The following EP400 variants were observed in gnomAD, a reference collection of about 807,000 sequenced individuals.
The protein encoded by EP400 is E1A binding protein p400, also known as E1A-binding protein p400.
In EP400, 105 loss-of-function variants were observed where a neutral mutation model predicts 354.1. The ratio of observed to expected loss-of-function variants is 0.30; its 90% CI spans 0.25 to 0.35. The LOEUF (loss-of-function observed/expected upper bound fraction) is 0.35. Ranked by LOEUF, EP400 falls within the 10% of genes least tolerant of loss-of-function variation. The probability of loss-of-function intolerance (pLI) is 1.00; values close to 1 mark genes in which losing one functional copy is unlikely to be tolerated. For missense variants in EP400, 3,280 were observed against 4,121.0 expected (o/e 0.80, Z 5.59); for synonymous variants, 1,646 against 1,716.9 (o/e 0.96, Z 1.02).
At position 132,050,671 on chromosome 12, in the gene EP400, T is replaced by C; in HGVS notation, c.7394+16T>C. The C allele has an allele frequency of 6.2e-7, 1 of 1,614,184 alleles. No individual in the cohort carries two copies. Among genetic ancestry groups the C allele is most frequent in the Non-Finnish European group, 8.5e-7 (1 of 1,180,004 alleles). ...TGGCAGAAAGGTATTTCTCTATTCG[T>C]GACACATTTGTTACTGTTTGGAAGG... On this transcript the variant is annotated intron_variant, in intron 41 of 52. Transcript: ENST00000389561. The surrounding 1 kb of genome is among the most constrained non-coding windows in gnomAD (Gnocchi z 4.8).
intron 16 of EP400, 107 bp from the exon 17 acceptor site, chr12:132,012,902 T>C: frequency 1.7e-6 from 2 of 1,167,648 alleles, no homozygotes; most frequent in African/African-American, 3.1e-5. Flanking sequence ...AAATTATAGG[T>C]GGGAACGGAG....
chr12:132,002,742 A>G (rs890241630), intron 12 of EP400, among the ~76,000 whole-genome samples: 8 of 152,210 alleles, frequency 5.3e-5, no homozygotes, highest in Non-Finnish European at 1.0e-4. Flanking sequence ...ATTCTCACAT[A>G]TGGTGGTCAC....
chr12:132,024,792 G>A (rs528876031), intron 24 of EP400, among the ~76,000 whole-genome samples: 6 of 149,306 alleles, frequency 4.0e-5, no homozygotes, highest in South Asian at 4.3e-4. Context: ...CAGCCTCAGC[G>A]GCTGCCTCCC....
At chr12:132,044,462 C>T in intron 35 of EP400, 151 bp downstream of exon 35, 1 of 1,298,088 alleles carries the variant, frequency 7.7e-7, no homozygotes. Flanking sequence ...CACTTATGTT[C>T]TAAAAACACA....
Position 132,064,721 on chromosome 12 carries a change from A to T in EP400, c.8388A>T (p.Pro2796=), listed in dbSNP as rs773599297. The change falls in exon 48 of 53, where the codon CCA becomes CCT. Residue 2796 remains proline, a synonymous_variant. Transcript: ENST00000389561. The part of the protein sequence containing the change: ...KQKLQMPPQP[P]PPQAQSAPPQ... ...AACTGCAGATGCCCCCGCAGCCCCC[A>T]CCGCCACAGGCCCAGTCTGCGCCCC... 5 of 1,613,438 alleles carry T rather than the reference A, an allele frequency of 3.1e-6. No homozygotes were observed. Among genetic ancestry groups the T allele is most frequent in the Non-Finnish European group, 4.2e-6 (5 of 1,179,824 alleles).
chr12:132,015,498 G>A (rs574408600), intron 19 of EP400, among the ~76,000 whole-genome samples: 21 of 152,334 alleles, frequency 1.4e-4, no homozygotes, highest in African/African-American at 1.9e-4. Context: ...CACGCCCTGC[G>A]TACAGAGACC....
chr12:132,025,821 AGGAG>A lies in EP400; in HGVS notation c.5014+22_5014+25del, dbSNP rs769727717. 2.6e-6 allele frequency: 4 copies of A among 1,566,344 alleles called. No homozygotes were observed. Among genetic ancestry groups the A allele is most frequent in the Non-Finnish European group, 3.5e-6 (4 of 1,158,738 alleles). On this transcript the variant is annotated intron_variant, in intron 25 of 52. Coordinates refer to ENST00000389561, the MANE Select transcript of EP400 (RefSeq NM_015409.5). The surrounding 1 kb of genome is among the most constrained non-coding windows in gnomAD (Gnocchi z 4.1). ...CCCCACAAGGTAGGGTGCTCTGAGC[AGGAG>A]GGAGACTTGGCTTGGATGCTTCTTT...
At chr12:132,003,478 G>A (rs994668217) in intron 12 of EP400, among the ~76,000 whole-genome samples, 2 of 152,160 alleles carry the variant, frequency 1.3e-5, no homozygotes, top group African/African-American at 4.8e-5. Flanking sequence ...ACTGAGGGAC[G>A]ACTGTATTTA....
At chr12:131,951,221 TTG>T (rs1178784953) in intron 1 of EP400, among the ~76,000 whole-genome samples, 1 of 150,544 alleles carries the variant, frequency 6.6e-6, no homozygotes, top group African/African-American at 2.4e-5. Flanking sequence ...GGCCAGTTTT[TTG>T]TGTGTTTTAG....
rs1476119130 is a variant in EP400 at position 132,005,100 on chromosome 12, A to T, written c.2851A>T (p.Met951Leu). 2 of 1,587,728 alleles carry T rather than the reference A, an allele frequency of 1.3e-6. No individual in the cohort carries two copies. The highest frequency in any genetic ancestry group is 1.3e-5 in the African/African-American group (1 of 74,548). The change falls in exon 13 of 53, where the codon ATG becomes TTG. Residue 951 changes from methionine (M) to leucine (L), a missense_variant. This residue lies in a region of EP400 where 800 missense variants were observed against 840.0 expected (regional missense o/e 0.95). Transcript: ENST00000389561. ...KEAELPLLDLMKLYEGAFLPS... is the reference protein window; with the variant it reads ...KEAELPLLDLLKLYEGAFLPS... ...AGCTGAGCTGCCCCTCCTGGACCTG[A>T]TGAAGCTGTACGAAGGCGCCTTCCT...
intron 2 of EP400, among the ~76,000 whole-genome samples, chr12:131,978,361 G>T (rs776717410): frequency 6.6e-6 from 1 of 152,062 alleles, no homozygotes; most frequent in Non-Finnish European, 1.5e-5. Flanking sequence ...TAGTTTCACC[G>T]CCCTAGAAAT....
intron 32 of EP400, 148 bp from the exon 33 acceptor site, chr12:132,043,156 G>C (rs1184683597): frequency 4.5e-5 from 34 of 764,026 alleles, no homozygotes; most frequent in Non-Finnish European, 3.9e-5. Context: ...ACCTGTAAGA[G>C]GACCTCAGGG....
chr12:131,991,668 C>T (rs1303831861), intron 10 of EP400, among the ~76,000 whole-genome samples: 1 of 151,324 alleles, frequency 6.6e-6, no homozygotes, highest in Admixed American at 6.6e-5. Context: ...GCAACCTCTG[C>T]CTCCCAGGTT....
intron 47 of EP400, among the ~76,000 whole-genome samples, chr12:132,063,706 A>C (rs1227930659): frequency 6.6e-6 from 1 of 152,106 alleles, no homozygotes; most frequent in Non-Finnish European, 1.5e-5. Context: ...ACGCACACTC[A>C]GCTGAGGGCC....
In EP400 at chr12:132,055,226, T is replaced by G; in HGVS notation, c.7884+18T>G. The G allele has an allele frequency of 6.5e-7, 1 of 1,530,616 alleles. No homozygotes were observed. The highest frequency in any genetic ancestry group is 2.5e-5 in the East Asian group (1 of 40,800). The allele number at this position is 1,530,616 out of a possible 1,614,324, so 94.8% of individuals were successfully genotyped here. A position where few individuals can be genotyped will look rare whatever the true frequency, so the allele number is the denominator to read the frequency against. On this transcript the variant is annotated intron_variant, in intron 45 of 52. Transcript: ENST00000389561. ...CCTTGACTGTGAGTTGCGCTTCACCTGGGTTGTGCACCTTGACTGCATTCT... is the reference window on the plus strand; with the variant it reads ...CCTTGACTGTGAGTTGCGCTTCACCGGGGTTGTGCACCTTGACTGCATTCT...
Position 132,078,569 on chromosome 12 carries a change from T to C in EP400, c.*896T>C, listed in dbSNP as rs1444116313. ...GGCCCAGAGGACCACGCAGAGGCAA[T>C]GGTAGTACAGATGTCACAGCTGAGG... On this transcript the variant is annotated 3_prime_UTR_variant, in exon 53 of 53. Coordinates refer to ENST00000389561, the MANE Select transcript of EP400 (RefSeq NM_015409.5). 1.3e-5 allele frequency: 2 copies of C among 152,276 alleles called. No homozygotes were observed. The highest frequency in any genetic ancestry group is 4.8e-5 in the African/African-American group (2 of 41,448). The allele number at this position is 152,276 out of a possible 1,614,324, so 9.4% of individuals were successfully genotyped here. A position where few individuals can be genotyped will look rare whatever the true frequency, so the allele number is the denominator to read the frequency against.
At chr12:131,979,828 C>A (rs528655460) in intron 3 of EP400, 35 bp downstream of exon 3, 4 of 1,537,684 alleles carry the variant, frequency 2.6e-6, no homozygotes, top group Non-Finnish European at 3.5e-6. Context: ...CTCGGGAATG[C>A]CCCCCTCTCC....
At position 132,029,767 on chromosome 12, in the gene EP400, C is replaced by T. The variant is rs754917384; in HGVS notation, c.5448C>T (p.Pro1816=). 1 of 1,613,580 alleles carries T rather than the reference C, an allele frequency of 6.2e-7. No individual in the cohort carries two copies. The highest frequency in any genetic ancestry group is 1.7e-5 in the Admixed American group (1 of 60,030). The change falls in exon 28 of 53, where the codon CCC becomes CCT. Residue 1816 remains proline (P), a synonymous_variant. Coordinates refer to ENST00000389561, the MANE Select transcript of EP400 (RefSeq NM_015409.5). The surrounding 1 kb of genome is among the most constrained non-coding windows in gnomAD (Gnocchi z 4.7). ...PPSLRVPRPP[P]LYSHRMRILR... The stretch of plus-strand genomic sequence containing the variant: ...CCCTACGGGTGCCGCGGCCGCCACC[C>T]CTGTACAGCCACAGAATGAGGATCT...
chr12:132,032,861 C>T (rs1593361321), intron 30 of EP400, among the ~76,000 whole-genome samples: 1 of 152,142 alleles, frequency 6.6e-6, no homozygotes, highest in South Asian at 2.1e-4. Flanking sequence ...GAACTCCTGA[C>T]CTCGTGATCC....
Sources: gnomAD v4.1 joint callset for allele counts (sites outside exome capture counted in the v4.1 genomes callset) on GRCh38, gnomAD v4.1.1 for gene constraint, gnomAD v4.1.1 regional missense constraint, Gnocchi (gnomAD v3.1) non-coding constraint, MANE v1.5 for transcripts, NCBI Gene and HGNC (gene_info 2026-07-23, HGNC 2026-07-21) for gene names.